Variants in GJD2 observed in about 807,000 individuals in gnomAD.
GJD2 encodes the protein gap junction protein delta 2, also known as gap junction delta-2 protein.
A neutral mutation model predicts 24.3 loss-of-function variants in GJD2; 12 were observed. The ratio of observed to expected loss-of-function variants is 0.49; its 90% CI spans 0.32 to 0.80. The LOEUF (loss-of-function observed/expected upper bound fraction) is 0.80. GJD2 is among the 30% of genes least tolerant of loss of function. The pLI is 0.04. For synonymous variants in GJD2, 171 were observed against 155.2 expected (o/e 1.10, Z -0.76); for missense variants, 268 against 402.4 (o/e 0.67, Z 2.86).
At position 34,753,040 on chromosome 15, in the gene GJD2, C is replaced by G; in HGVS notation, c.404G>C (p.Ser135Thr). Residue 135 changes from serine to threonine, a missense_variant, in exon 2 of 2, where the codon AGT becomes ACT. Transcript: ENST00000290374. ...CTTATCTTCTCGTTTGCCCCCACCACTGCCCCCACCCCCAGTTCCTCCAGG... is the reference window on the plus strand; with the variant it reads ...CTTATCTTCTCGTTTGCCCCCACCAGTGCCCCCACCCCCAGTTCCTCCAGG... ...GGPGGTGGGGSGGGKREDKKL... is the reference protein window; with the variant it reads ...GGPGGTGGGGTGGGKREDKKL... The G allele has an allele frequency of 1.2e-6, 2 of 1,614,060 alleles. No individual in the cohort carries two copies. Among genetic ancestry groups the G allele is most frequent in the Non-Finnish European group, 1.7e-6 (2 of 1,179,968 alleles).
At chr15:34,753,524 A>T in intron 1 of GJD2, 152 bp from the exon 2 acceptor site, 1 of 668,176 alleles carries the variant, frequency 1.5e-6, no homozygotes, top group African/African-American at 1.8e-5. Flanking sequence ...AATCTGGGAA[A>T]GCTTTTTGTC....
In GJD2 at chr15:34,752,290, T is replaced by G; in HGVS notation, c.*188A>C. ...TACCCAATCGTCTCTGTAGAACCAA[T>G]TAGGTGATATGTGAAAATGGGTCCA... On this transcript the variant is annotated 3_prime_UTR_variant, in exon 2 of 2. Coordinates refer to ENST00000290374, the MANE Select transcript of GJD2 (RefSeq NM_020660.3). 1.7e-6 allele frequency: 1 copy of G among 599,916 alleles called. No individual in the cohort carries two copies. 37.2% of individuals were successfully genotyped at this position (599,916 alleles called of 1,614,324 possible). A position where few individuals can be genotyped will look rare whatever the true frequency, so the allele number is the denominator to read the frequency against.
At chr15:34,753,510 TAGG>T (rs1891141899) in intron 1 of GJD2, 138 bp from the exon 2 acceptor site, 1 of 720,612 alleles carries the variant, frequency 1.4e-6, no homozygotes, top group African/African-American at 1.8e-5. Flanking sequence ...GGTACTGAAC[TAGG>T]AATCTGGGAA....
chr15:34,753,351 C>T lies in GJD2; in HGVS notation c.93G>A (p.Val31=). The change falls in exon 2 of 2, where the codon GTG becomes GTA. Residue 31 remains valine, a synonymous_variant. Transcript: ENST00000290374. ...MIGRILLTVV[V]IFRILIVAIV... ...TGGCCACAATGAGGATCCGGAAGAT[C>T]ACCACCACAGTCAACAGGATCCTGA... 1.2e-6 allele frequency: 2 copies of T among 1,604,884 alleles called. No individual in the cohort carries two copies. Among genetic ancestry groups the T allele is most frequent in the African/African-American group, 1.3e-5 (1 of 74,954 alleles).
rs1056277223 is a variant in GJD2 at position 34,752,991 on chromosome 15, A to T, written c.453T>A (p.Asn151Lys). Residue 151 changes from asparagine (N) to lysine (K), a missense_variant, in exon 2 of 2, where the codon AAT becomes AAA. Physicochemically the swap from Asn to Lys is moderately conservative, Grantham distance 94. Transcript: ENST00000290374. ...EDKKLQNAIVNGVLQNTENTS... is the reference protein window; with the variant it reads ...EDKKLQNAIVKGVLQNTENTS... Reference sequence around the variant, plus strand: ...TGTTCTCTGTGTTCTGCAGCACCCCATTCACAATAGCATTTTGCAACTTCT... The same window carrying T: ...TGTTCTCTGTGTTCTGCAGCACCCCTTTCACAATAGCATTTTGCAACTTCT... 12 of 1,613,940 alleles carry T rather than the reference A, an allele frequency of 7.4e-6. No individual in the cohort carries two copies. Among genetic ancestry groups the T allele is most frequent in the Non-Finnish European group, 3.4e-6 (4 of 1,180,022 alleles).
In GJD2 at chr15:34,753,087, G is replaced by A. The variant is rs201442553; in HGVS notation, c.357C>T (p.Asp119=). 8 of 1,613,970 alleles carry A rather than the reference G, an allele frequency of 5.0e-6. 1 individual carries two copies. The highest frequency in any genetic ancestry group is 4.0e-5 in the African/African-American group (3 of 74,884). The stretch of plus-strand genomic sequence containing the variant: ...CAGGACCTCCTATGGACTCAGGGGG[G>A]TCTCTGTCCAGGGCTAGGAAGACTG... The part of the protein sequence containing the change: ...YSTVFLALDR[D]PPESIGGPGG... The change falls in exon 2 of 2, where the codon GAC becomes GAT. Residue 119 remains aspartate, a synonymous_variant. Coordinates refer to ENST00000290374, the MANE Select transcript of GJD2 (RefSeq NM_020660.3).
chr15:34,753,332 C>A lies in GJD2; in HGVS notation c.112G>T (p.Val38Leu), dbSNP rs766709254. The change falls in exon 2 of 2, where the codon GTG becomes TTG. Residue 38 changes from valine (V) to leucine (L), a missense_variant. This residue lies in a region of GJD2 where 66 missense variants were observed against 129.5 expected (regional missense o/e 0.51). Coordinates refer to ENST00000290374, the MANE Select transcript of GJD2 (RefSeq NM_020660.3). ...TACACCGTCTCCCCCACAATGGCCA[C>A]AATGAGGATCCGGAAGATCACCACC... is the stretch of plus-strand genomic sequence containing the variant. Reference protein sequence around the residue: ...TVVVIFRILIVAIVGETVYDD... With the variant: ...TVVVIFRILILAIVGETVYDD... 1.2e-6 allele frequency: 2 copies of A among 1,609,910 alleles called. No homozygotes were observed. Among genetic ancestry groups the A allele is most frequent in the Non-Finnish European group, 1.7e-6 (2 of 1,178,700 alleles).
intron 1 of GJD2, 88 bp from the exon 2 acceptor site, chr15:34,753,460 T>G: frequency 8.1e-7 from 1 of 1,228,416 alleles, no homozygotes; most frequent in Non-Finnish European, 1.1e-6. Flanking sequence ...TTTGCTGGTG[T>G]TTACCAGTCT....
chr15:34,752,924 G>T lies in GJD2; in HGVS notation c.520C>A (p.Leu174Met). The stretch of plus-strand genomic sequence containing the variant: ...CGTAGACCTGATGGGTGTGGAGTCA[G>T]CTCCTTAACCTCTAAACAATCTGGC... ...TEPDCLEVKE[L>M]TPHPSGLRTA... Residue 174 changes from leucine (L) to methionine (M), a missense_variant, in exon 2 of 2, where the codon CTG (leucine) becomes ATG (methionine). Coordinates refer to ENST00000290374, the MANE Select transcript of GJD2 (RefSeq NM_020660.3). The T allele has an allele frequency of 6.2e-7, 1 of 1,614,100 alleles. No homozygotes were observed. The highest frequency in any genetic ancestry group is 8.5e-7 in the Non-Finnish European group (1 of 1,179,980).
Position 34,754,646 on chromosome 15 carries a change from T to C in GJD2, c.-158A>G, listed in dbSNP as rs527435437. 938 of 638,232 alleles carry C rather than the reference T, an allele frequency of 1.5e-3. 2 individuals are homozygous for C. Among genetic ancestry groups the C allele is most frequent in the Middle Eastern group, 5.2e-3 (17 of 3,300 alleles). 39.5% of individuals were successfully genotyped at this position (638,232 alleles called of 1,614,324 possible). On this transcript the variant is annotated 5_prime_UTR_variant, in exon 1 of 2. Transcript: ENST00000290374. The surrounding 1 kb of genome is among the most constrained non-coding windows in gnomAD (Gnocchi z 5.9). ...ATCCTCGAATCCCCCTTTCCTTTTA[T>C]TGTACTTAAAAGAGAAGAAATGGGG... is the stretch of plus-strand genomic sequence containing the variant.
Position 34,753,184 on chromosome 15 carries a change from C to T in GJD2, c.260G>A (p.Cys87Tyr). 2 of 1,614,090 alleles carry T rather than the reference C, an allele frequency of 1.2e-6. No homozygotes were observed. The highest frequency in any genetic ancestry group is 1.7e-6 in the Non-Finnish European group (2 of 1,180,010). Residue 87 changes from cysteine (C) to tyrosine (Y), a missense_variant, in exon 2 of 2, where the codon TGT becomes TAT. Physicochemically the swap from Cys to Tyr is radical, Grantham distance 194 (BLOSUM62 -2). Coordinates refer to ENST00000290374, the MANE Select transcript of GJD2 (RefSeq NM_020660.3). ...GGTGATGAAGCAAAGACTGGGGGTA[C>T]ACACCATTATGATCTGGAAGACCCA... The part of the protein sequence containing the change: ...RYWVFQIIMV[C>Y]TPSLCFITYS...
At position 34,753,312 on chromosome 15, in the gene GJD2, C is replaced by A. The variant is rs748998028; in HGVS notation, c.132G>T (p.Thr44=). ...RILIVAIVGE[T]VYDDEQTMFV... is the part of the protein sequence containing the mutation. ...ACATGGTCTGCTCATCATCGTACAC[C>A]GTCTCCCCCACAATGGCCACAATGA... The change falls in exon 2 of 2, where the codon ACG becomes ACT. Residue 44 remains threonine (T), a synonymous_variant. Transcript: ENST00000290374. 6.2e-7 allele frequency: 1 copy of A among 1,612,804 alleles called. No individual in the cohort carries two copies. Among genetic ancestry groups the A allele is most frequent in the Non-Finnish European group, 8.5e-7 (1 of 1,179,678 alleles).
chr15:34,751,950 T>G lies in GJD2; in HGVS notation c.*528A>C. 1 of 37,782 alleles carries G rather than the reference T, an allele frequency of 2.6e-5. No individual in the cohort carries two copies. Among genetic ancestry groups the G allele is most frequent in the Non-Finnish European group, 4.4e-5 (1 of 22,556 alleles). 2.3% of individuals were successfully genotyped at this position (37,782 alleles called of 1,614,324 possible). ...ATATTAGGTCTAATGTAAGGCCAGA[T>G]TCTGGAAAAAAAAAAAAAAAAAAAA... On this transcript the variant is annotated 3_prime_UTR_variant, in exon 2 of 2. Transcript: ENST00000290374.
Position 34,752,654 on chromosome 15 carries a change from A to T in GJD2, c.790T>A (p.Cys264Ser). 1 of 1,614,240 alleles carries T rather than the reference A, an allele frequency of 6.2e-7. No homozygotes were observed. The highest frequency in any genetic ancestry group is 1.1e-5 in the South Asian group (1 of 91,090). ...AGTTCAGCCAGGTTGAGCACAACAC[A>T]GATGCCACTTACAGCAAACATGAAC... ...LVFMFAVSGI[C>S]VVLNLAELNH... Residue 264 changes from cysteine to serine, a missense_variant, in exon 2 of 2, where the codon TGT becomes AGT. Cys to Ser is a moderately radical substitution (Grantham distance 112). Transcript: ENST00000290374.
chr15:34,754,784 G>A lies in GJD2; in HGVS notation c.-296C>T, dbSNP rs893879859. The A allele has an allele frequency of 6.1e-6, 2 of 328,714 alleles. No individual in the cohort carries two copies. Among genetic ancestry groups the A allele is most frequent in the South Asian group, 4.5e-5 (1 of 22,470 alleles). 20.4% of individuals were successfully genotyped at this position (328,714 alleles called of 1,614,324 possible). A position where few individuals can be genotyped will look rare whatever the true frequency, so the allele number is the denominator to read the frequency against. On this transcript the variant is annotated 5_prime_UTR_variant, in exon 1 of 2. Transcript: ENST00000290374. This position sits in a 1 kb window ranked among gnomAD's most constrained non-coding sequence, Gnocchi z 5.9. Reference sequence around the variant, plus strand: ...GTCTGGATCCCGCGGACGCCGGGACGAGGGGCGGGGCGGGGTGGCAGCCTG... The same window carrying A: ...GTCTGGATCCCGCGGACGCCGGGACAAGGGGCGGGGCGGGGTGGCAGCCTG...
At chr15:34,753,915 G>A (rs1366491778) in intron 1 of GJD2, among the ~76,000 whole-genome samples, 1 of 151,996 alleles carries the variant, frequency 6.6e-6, no homozygotes, top group Non-Finnish European at 1.5e-5. Flanking sequence ...TATAGATACA[G>A]ACCCAAAAAT....
intron 1 of GJD2, 35 bp from the exon 2 acceptor site, chr15:34,753,407 ACGGGCTG>A (rs1290732465): frequency 6.5e-7 from 1 of 1,545,576 alleles, no homozygotes; most frequent in Middle Eastern, 1.7e-4. Context: ...AGAGGTTCTC[ACGGGCTG>A]CGTCACTGAC....
At position 34,753,544 on chromosome 15, in the gene GJD2, T is replaced by C. The variant is rs1359828705; in HGVS notation, c.72-172A>G. 4.6e-5 allele frequency among the ~76,000 whole-genome samples: 7 copies of C among 152,192 alleles called. No individual in the cohort carries two copies. The East Asian group carries it at 1.3e-3, about 29-fold the overall frequency. On this transcript the variant is annotated intron_variant, in intron 1 of 1. Transcript: ENST00000290374. ...GGGAAAGCTTTTTGTCTCTTCCTTTTCTGCTGAGTGCTGGTAGGCTGGGAA... is the reference window on the plus strand; with the variant it reads ...GGGAAAGCTTTTTGTCTCTTCCTTTCCTGCTGAGTGCTGGTAGGCTGGGAA...
chr15:34,754,298 C>T lies in GJD2; in HGVS notation c.71+120G>A, dbSNP rs1891153470. 2 of 737,122 alleles carry T rather than the reference C, an allele frequency of 2.7e-6. No individual in the cohort carries two copies. The highest frequency in any genetic ancestry group is 1.7e-5 in the African/African-American group (1 of 57,510). The allele number at this position is 737,122 out of a possible 1,614,324, so 45.7% of individuals were successfully genotyped here. A position where few individuals can be genotyped will look rare whatever the true frequency, so the allele number is the denominator to read the frequency against. Reference sequence around the variant, plus strand: ...GGAACACCGGAGCCTTGACCTAGGACGATGGGGAGGAGGCAGAGGACGGAC... The same window carrying T: ...GGAACACCGGAGCCTTGACCTAGGATGATGGGGAGGAGGCAGAGGACGGAC... On this transcript the variant is annotated intron_variant, in intron 1 of 1. Transcript: ENST00000290374. This position sits in a 1 kb window ranked among gnomAD's most constrained non-coding sequence, Gnocchi z 5.9.
Sources: gnomAD v4.1 joint callset for allele counts (sites outside exome capture counted in the v4.1 genomes callset) on GRCh38, gnomAD v4.1.1 for gene constraint, gnomAD v4.1.1 regional missense constraint, Gnocchi (gnomAD v3.1) non-coding constraint, MANE v1.5 for transcripts, NCBI Gene and HGNC (gene_info 2026-07-23, HGNC 2026-07-21) for gene names.